The following EIF3H variants were observed in gnomAD, a reference collection of about 807,000 sequenced individuals.
The protein encoded by EIF3H is eIF-3-gamma.
Under a neutral mutation model 44.2 loss-of-function variants are expected in EIF3H, and 26 were observed. The ratio of observed to expected loss-of-function variants is 0.59; its 90% CI spans 0.43 to 0.82. EIF3H has a LOEUF of 0.82. Among genes scored for constraint, EIF3H ranks in the 40% least tolerant of loss-of-function variants. EIF3H has a pLI of 0.00. For synonymous variants in EIF3H, 166 were observed against 151.9 expected (o/e 1.09, Z -0.68); for missense variants, 359 against 432.8 (o/e 0.83, Z 1.51).
Position 116,684,550 on chromosome 8 carries a change from A to AT in EIF3H, c.290-25571dup, listed in dbSNP as rs779763796. 2.1e-3 allele frequency among the ~76,000 whole-genome samples: 318 copies of AT among 149,680 alleles called. 1 individual carries two copies. The highest frequency in any genetic ancestry group is 6.9e-3 in the Middle Eastern group (2 of 288). ...GCATTTCTCCTTAACTACTACTGCTATTTTTTTTTTAAAGCAACAGTCCTT... is the reference window on the plus strand; with the variant it reads ...GCATTTCTCCTTAACTACTACTGCTATTTTTTTTTTTAAAGCAACAGTCCTT... On this transcript the variant is annotated intron_variant, in intron 2 of 7. Transcript: ENST00000521861.
At chr8:116,731,432 A>G (rs910394884) in intron 1 of EIF3H, among the ~76,000 whole-genome samples, 3 of 152,164 alleles carry the variant, frequency 2.0e-5, no homozygotes, top group African/African-American at 7.2e-5. Flanking sequence ...ATGAAGTTGT[A>G]TGGCCTAGCT....
At chr8:116,707,227 A>T (rs1814486512) in intron 2 of EIF3H, among the ~76,000 whole-genome samples, 1 of 152,248 alleles carries the variant, frequency 6.6e-6, no homozygotes. Flanking sequence ...GGCCTAAAAA[A>T]TATCAGTCCA....
chr8:116,757,014 C>G (rs1815460114), upstream of EIF3H, among the ~76,000 whole-genome samples: 1 of 152,172 alleles, frequency 6.6e-6, no homozygotes, highest in Non-Finnish European at 1.5e-5. Context: ...TACTTATAAA[C>G]AATAATACAT....
chr8:116,747,286 G>C (rs564453645), intron 1 of EIF3H, among the ~76,000 whole-genome samples: 1 of 152,068 alleles, frequency 6.6e-6, no homozygotes, highest in Non-Finnish European at 1.5e-5. Context: ...GGTTGGTCTC[G>C]AACTCCTGAC....
Position 116,755,747 on chromosome 8 carries a change from G to A in EIF3H, c.51C>T (p.Ser17=), listed in dbSNP as rs558202989. ...GTGSTATSSS[S]TAGAAGKGKG... ...TGCCTTTCCCTGCTGCGCCGGCGGT[G>A]GAGCTGGAAGAGGTGGCAGTAGAGC... is the stretch of plus-strand genomic sequence containing the variant. The change falls in exon 1 of 8, where the codon TCC becomes TCT. Residue 17 remains serine (S), a synonymous_variant. Transcript: ENST00000521861. 3 of 1,614,176 alleles carry A rather than the reference G, an allele frequency of 1.9e-6. No individual in the cohort carries two copies. In the Admixed American group the frequency reaches 5.0e-5, roughly 27 times the overall value.
chr8:116,752,277 A>AT (rs928838851), intron 1 of EIF3H, among the ~76,000 whole-genome samples: 15 of 152,302 alleles, frequency 9.8e-5, no homozygotes, highest in African/African-American at 3.6e-4. Flanking sequence ...ACTGGAATGC[A>AT]TGTCTCCTGA....
intron 1 of EIF3H, among the ~76,000 whole-genome samples, chr8:116,745,289 TA>T (rs1815212345): frequency 6.6e-6 from 1 of 151,994 alleles, no homozygotes; most frequent in Non-Finnish European, 1.5e-5. Context: ...TATCTACTAC[TA>T]AAAATCATAT....
intron 2 of EIF3H, among the ~76,000 whole-genome samples, chr8:116,705,787 A>G (rs754891848): frequency 2.0e-4 from 30 of 152,138 alleles, no homozygotes; most frequent in Non-Finnish European, 4.3e-4. Context: ...AACTGGTGAA[A>G]TCCAGATAAA....
chr8:116,648,735 T>C, intron 6 of EIF3H, 71 bp downstream of exon 6: 1 of 1,467,224 alleles, frequency 6.8e-7, no homozygotes, highest in Non-Finnish European at 9.0e-7. Context: ...ATTTAGGTCA[T>C]TTTGAACATG....
intron 1 of EIF3H, among the ~76,000 whole-genome samples, chr8:116,764,907 A>G (rs1815553659): frequency 6.6e-6 from 1 of 152,240 alleles, no homozygotes; most frequent in Non-Finnish European, 1.5e-5. Flanking sequence ...GCACTGTCAT[A>G]TACATAGAGC....
chr8:116,690,197 G>A (rs558807586), intron 2 of EIF3H, among the ~76,000 whole-genome samples: 3 of 152,244 alleles, frequency 2.0e-5, no homozygotes, highest in South Asian at 2.1e-4. Flanking sequence ...ATAGATCTCA[G>A]AGATGACAAA....
chr8:116,648,896 C>T lies in EIF3H; in HGVS notation c.738G>A (p.Leu246=). The T allele has an allele frequency of 3.1e-6, 5 of 1,611,882 alleles. No homozygotes were observed. The highest frequency in any genetic ancestry group is 4.2e-6 in the Non-Finnish European group (5 of 1,179,060). The part of the protein sequence containing the change: ...SNHLGKNLQL[L]MDRVDEMSQD... ...GGCTCATTTCATCCACTCTGTCCATCAGCAACTGTAGATTCTTCCCCAAAT... is the reference window on the plus strand; with the variant it reads ...GGCTCATTTCATCCACTCTGTCCATTAGCAACTGTAGATTCTTCCCCAAAT... Residue 246 remains leucine, a synonymous_variant, in exon 6 of 8, where the codon CTG becomes CTA. Coordinates refer to ENST00000521861, the MANE Select transcript of EIF3H (RefSeq NM_003756.3).
intron 2 of EIF3H, among the ~76,000 whole-genome samples, chr8:116,675,995 G>A (rs1299675326): frequency 2.0e-5 from 3 of 152,116 alleles, no homozygotes; most frequent in African/African-American, 7.2e-5. Context: ...GGATCTTTTA[G>A]AAAGTAAAGG....
At chr8:116,657,983 T>C (rs1265236659) in intron 3 of EIF3H, among the ~76,000 whole-genome samples, 1 of 152,204 alleles carries the variant, frequency 6.6e-6, no homozygotes, top group Non-Finnish European at 1.5e-5. Context: ...TGTCTGAAAC[T>C]TAACACAGTG....
intron 2 of EIF3H, among the ~76,000 whole-genome samples, chr8:116,720,811 C>A (rs1814731101): frequency 6.6e-6 from 1 of 152,052 alleles, no homozygotes; most frequent in Non-Finnish European, 1.5e-5. Flanking sequence ...ATTTGTGGAA[C>A]TCTGAACTTG....
chr8:116,660,807 C>T (rs1183634698), intron 2 of EIF3H, among the ~76,000 whole-genome samples: 5 of 152,160 alleles, frequency 3.3e-5, no homozygotes, highest in Non-Finnish European at 7.3e-5. Flanking sequence ...AGACACCAGA[C>T]ACTTTGTATA....
chr8:116,749,147 G>C (rs1404757970), intron 1 of EIF3H, among the ~76,000 whole-genome samples: 1 of 152,164 alleles, frequency 6.6e-6, no homozygotes, highest in African/African-American at 2.4e-5. Flanking sequence ...AATTTCAATA[G>C]CAATGGGTTT....
chr8:116,673,108 G>GCAAT (rs1369855245), intron 2 of EIF3H, among the ~76,000 whole-genome samples: 1 of 151,764 alleles, frequency 6.6e-6, no homozygotes, highest in Non-Finnish European at 1.5e-5. Context: ...CAGCCAGGAG[G>GCAAT]CAATGGCTTG....
Position 116,765,701 on chromosome 8 carries a change from T to C in EIF3H, c.-213A>G, listed in dbSNP as rs144366795. 7.9e-5 allele frequency: 12 copies of C among 152,362 alleles called. No individual in the cohort carries two copies. In the East Asian group the frequency reaches 2.3e-3, roughly 29 times the overall value. 9.4% of individuals were successfully genotyped at this position (152,362 alleles called of 1,614,324 possible). A position where few individuals can be genotyped will look rare whatever the true frequency, so the allele number is the denominator to read the frequency against. ...ACATAAAAAGAGTACTTGAAACTTA[T>C]CTAGACCTACAACCAGTTTGACAGT... On this transcript the variant is annotated 5_prime_UTR_variant, in exon 1 of 10. Transcript: ENST00000276682.
Sources: gnomAD v4.1 joint callset for allele counts (sites outside exome capture counted in the v4.1 genomes callset) on GRCh38, gnomAD v4.1.1 for gene constraint, MANE v1.5 for transcripts, NCBI Gene and HGNC (gene_info 2026-07-23, HGNC 2026-07-21) for gene names.